Variants in PPM1B observed in about 807,000 individuals in gnomAD.
PPM1B encodes protein phosphatase, Mg2+/Mn2+ dependent 1B.
PPM1B carries 22 observed loss-of-function variants against 43.0 expected under a neutral mutation model. That is an observed-to-expected ratio of 0.51 (90% confidence interval 0.37 to 0.73). PPM1B has a LOEUF of 0.73. Among genes scored for constraint, PPM1B ranks in the 30% least tolerant of loss-of-function variants. The pLI is 0.00. For synonymous variants in PPM1B, 217 were observed against 197.9 expected (o/e 1.10, Z -0.81); for missense variants, 632 against 584.2 (o/e 1.08, Z -0.84).
chr2:44,229,996 A>G, intron 5 of PPM1B: 2 of 1,585,922 alleles, frequency 1.3e-6, no homozygotes, highest in Non-Finnish European at 1.7e-6. Context: ...TATTTAGCAG[A>G]AATGATGAAG....
Position 44,188,345 on chromosome 2 carries a change from C to T in PPM1B, c.-14-12841C>T, listed in dbSNP as rs946938705. 9.9e-5 allele frequency among the ~76,000 whole-genome samples: 15 copies of T among 150,972 alleles called. 1 individual carries two copies. The highest frequency in any genetic ancestry group is 8.6e-4 in the Admixed American group (13 of 15,156). The stretch of plus-strand genomic sequence containing the variant: ...TGATTTAGTTTTTTCCTTCTCTTCT[C>T]CCAGTGTTTATCATGGCTTTAGTGC... On this transcript the variant is annotated intron_variant, in intron 1 of 5. Transcript: ENST00000282412.
chr2:44,173,220 G>T (rs73924222), intron 1 of PPM1B, among the ~76,000 whole-genome samples: 6,238 of 152,256 alleles, frequency 0.041, 416 homozygotes, highest in African/African-American at 0.14. Context: ...CAGCGTTATG[G>T]TGAAAAGAAC....
chr2:44,207,432 G>GA (rs1311808451), intron 2 of PPM1B, among the ~76,000 whole-genome samples: 2 of 151,958 alleles, frequency 1.3e-5, no homozygotes, highest in African/African-American at 4.8e-5. Context: ...AAGAAAGTTT[G>GA]AAAAAAATCG....
chr2:44,198,917 T>G (rs1261545175), intron 1 of PPM1B, among the ~76,000 whole-genome samples: 1 of 152,148 alleles, frequency 6.6e-6, no homozygotes, highest in Non-Finnish European at 1.5e-5. Context: ...TATTTTGCAG[T>G]TGAAAATTTC....
downstream of PPM1B, among the ~76,000 whole-genome samples, chr2:44,239,195 A>T (rs951338881): frequency 1.3e-5 from 2 of 151,728 alleles, no homozygotes; most frequent in Admixed American, 6.6e-5. Flanking sequence ...AAAAAAAAAA[A>T]AAAAAAATCC....
At chr2:44,212,041 C>T (rs548251463) in intron 3 of PPM1B, among the ~76,000 whole-genome samples, 377 of 152,098 alleles carry the variant, frequency 2.5e-3, no homozygotes, top group African/African-American at 8.7e-3. Flanking sequence ...TGAATCACCG[C>T]GCCTGGTTTA....
chr2:44,194,082 CTTT>C (rs908680283), intron 1 of PPM1B, among the ~76,000 whole-genome samples: 2 of 152,060 alleles, frequency 1.3e-5, no homozygotes, highest in Non-Finnish European at 2.9e-5. Context: ...GAATAGAATA[CTTT>C]TTTATTTCTC....
intron 1 of PPM1B, among the ~76,000 whole-genome samples, chr2:44,182,537 A>G (rs1667931414): frequency 6.6e-6 from 1 of 152,230 alleles, no homozygotes; most frequent in East Asian, 1.9e-4. Flanking sequence ...CTGGGATTAC[A>G]GGAGTGAACC....
intron 5 of PPM1B, among the ~76,000 whole-genome samples, chr2:44,222,933 C>T (rs931148702): frequency 5.9e-5 from 9 of 152,132 alleles, no homozygotes; most frequent in Non-Finnish European, 7.4e-5. Context: ...CAGGCTCAAG[C>T]GATCCTCCCA....
At chr2:44,187,363 T>G (rs114466617) in intron 1 of PPM1B, among the ~76,000 whole-genome samples, 493 of 152,318 alleles carry the variant, frequency 3.2e-3, no homozygotes, top group African/African-American at 0.012. Context: ...ATAATATGGG[T>G]ACTACGATCA....
chr2:44,241,855 A>ATTTTTTTTT (rs1308907282), intron 5 of PPM1B, among the ~76,000 whole-genome samples: 29 of 32,826 alleles, frequency 8.8e-4, no homozygotes, highest in South Asian at 2.8e-3. Flanking sequence ...TTAGAAAATA[A>ATTTTTTTTT]TCTTTTTTTT....
intron 1 of PPM1B, among the ~76,000 whole-genome samples, chr2:44,177,780 A>G (rs1667655036): frequency 6.6e-6 from 1 of 151,548 alleles, no homozygotes; most frequent in African/African-American, 2.4e-5. Flanking sequence ...ACATGACCAT[A>G]TACAGAATTT....
chr2:44,236,874 G>GA (rs1361352968), downstream of PPM1B, among the ~76,000 whole-genome samples: 1 of 152,300 alleles, frequency 6.6e-6, no homozygotes, highest in African/African-American at 2.4e-5. Flanking sequence ...AGTATTAAGG[G>GA]AAAACGTGAT....
chr2:44,170,969 T>C (rs559987139), intron 1 of PPM1B, among the ~76,000 whole-genome samples: 34 of 152,242 alleles, frequency 2.2e-4, no homozygotes, highest in Non-Finnish European at 4.4e-4. Flanking sequence ...TCTTAATGGT[T>C]GTTGTGTTTT....
At chr2:44,234,026 C>T, downstream of PPM1B, 1 of 978,820 alleles carries the variant, frequency 1.0e-6, no homozygotes, top group Non-Finnish European at 1.2e-6. Context: ...TGAACATAAC[C>T]AACTTGTTAC....
chr2:44,242,187 T>G (rs1314765314), intron 5 of PPM1B, among the ~76,000 whole-genome samples: 1 of 152,184 alleles, frequency 6.6e-6, no homozygotes, highest in Non-Finnish European at 1.5e-5. Context: ...TAACAAAACA[T>G]TATTTCGTAG....
intron 3 of PPM1B, among the ~76,000 whole-genome samples, chr2:44,210,330 C>T (rs1425897042): frequency 6.6e-6 from 1 of 151,706 alleles, no homozygotes; most frequent in Non-Finnish European, 1.5e-5. Flanking sequence ...GATCCTCTCA[C>T]CTCAGCCTCT....
At chr2:44,192,190 G>GTTATGTTATGGTATTGTATT (rs1553329837) in intron 1 of PPM1B, among the ~76,000 whole-genome samples, 1 of 143,542 alleles carries the variant, frequency 7.0e-6, no homozygotes, top group Non-Finnish European at 1.5e-5. Flanking sequence ...GTTATGTTAT[G>GTTATGTTATGGTATTGTATT]GTATTGTATT....
In PPM1B at chr2:44,228,219, ACT is replaced by A. The variant is rs374773557; in HGVS notation, c.1135-2191_1135-2190del. ...TTTTTTTTTTTTTTAAGAGGGTCTCACTCTGTCGTTCAGACTGGTGTTCATTG... is the reference window on the plus strand; with the variant it reads ...TTTTTTTTTTTTTTAAGAGGGTCTCACTGTCGTTCAGACTGGTGTTCATTG... On this transcript the variant is annotated intron_variant, in intron 5 of 5. Coordinates refer to ENST00000282412, the MANE Select transcript of PPM1B (RefSeq NM_002706.6). Among the ~76,000 whole-genome samples, 74 of 120,008 alleles carry A rather than the reference ACT, an allele frequency of 6.2e-4. 1 individual carries two copies. The East Asian group carries it at 0.016, about 26-fold the overall frequency. 78.7% of individuals were successfully genotyped at this position (120,008 alleles called of 152,430 possible). A position where few individuals can be genotyped will look rare whatever the true frequency, so the allele number is the denominator to read the frequency against.
Sources: gnomAD v4.1 joint callset for allele counts (sites outside exome capture counted in the v4.1 genomes callset) on GRCh38, gnomAD v4.1.1 for gene constraint, MANE v1.5 for transcripts, NCBI Gene and HGNC (gene_info 2026-07-23, HGNC 2026-07-21) for gene names.